BUB1: variants seen among roughly 807,000 people sequenced by gnomAD.
The protein encoded by BUB1 is BUB1 mitotic checkpoint serine/threonine kinase, also known as mitotic checkpoint serine/threonine-protein kinase BUB1.
A neutral mutation model predicts 135.2 loss-of-function variants in BUB1; 84 were observed. The ratio of observed to expected loss-of-function variants is 0.62; its 90% CI spans 0.52 to 0.74. BUB1 has a LOEUF of 0.74. Among genes scored for constraint, BUB1 ranks in the 30% least tolerant of loss-of-function variants. The probability of loss-of-function intolerance (pLI) is 0.00; values close to 1 mark genes in which losing one functional copy is unlikely to be tolerated. For synonymous variants in BUB1, 403 were observed against 434.4 expected, an observed-to-expected ratio of 0.93 and a Z score of 0.90; for missense variants, 1,162 against 1,288.3, an observed-to-expected ratio of 0.90 and a Z score of 1.50.
In BUB1 at chr2:110,673,985, A is replaced by T. The variant is rs75525884; in HGVS notation, c.225+101T>A. On this transcript the variant is annotated intron_variant, in intron 3 of 24. Coordinates refer to ENST00000302759, the MANE Select transcript of BUB1 (RefSeq NM_004336.5). Reference sequence around the variant, plus strand: ...TTCCTCTCTGTATCTTCAGAACTAGAAACAAGGAATTAAAAGCCTAAAATG... The same window carrying T: ...TTCCTCTCTGTATCTTCAGAACTAGTAACAAGGAATTAAAAGCCTAAAATG... 4,502 of 976,246 alleles carry T rather than the reference A, an allele frequency of 4.6e-3. 122 individuals are homozygous for T. In the East Asian group the frequency reaches 0.061, roughly 13 times the overall value. The allele number at this position is 976,246 out of a possible 1,614,324, so 60.5% of individuals were successfully genotyped here. A position where few individuals can be genotyped will look rare whatever the true frequency, so the allele number is the denominator to read the frequency against.
intron 18 of BUB1, among the ~76,000 whole-genome samples, 191 bp downstream of exon 18, chr2:110,650,355 T>C (rs1689751891): frequency 6.6e-6 from 1 of 152,214 alleles, no homozygotes; most frequent in Non-Finnish European, 1.5e-5. Context: ...CCTTCTAAAA[T>C]TAAAATTGAT....
rs1690507113 is a variant in BUB1 at position 110,674,128 on chromosome 2, TTTC to T, written c.180_182del (p.Lys61del). 1.9e-6 allele frequency: 3 copies of T among 1,563,026 alleles called. No individual in the cohort carries two copies. Among genetic ancestry groups the T allele is most frequent in the Non-Finnish European group, 2.6e-6 (3 of 1,134,776 alleles). On this transcript the variant is annotated inframe_deletion, in exon 3 of 25. Transcript: ENST00000302759. ...TGATGAATCTTGGGTCATTGTGGTA[TTTC>T]TTCTTATCTAAAAATTCCTTCATTA... is the stretch of plus-strand genomic sequence containing the variant.
At chr2:110,651,431 A>T (rs913985757) in intron 17 of BUB1, among the ~76,000 whole-genome samples, 28 of 152,344 alleles carry the variant, frequency 1.8e-4, no homozygotes, top group South Asian at 8.3e-4. Flanking sequence ...GATATAAAGA[A>T]AAAATATTTT....
intron 19 of BUB1, among the ~76,000 whole-genome samples, chr2:110,644,478 CAAAA>C (rs57312823): frequency 3.2e-5 from 2 of 63,168 alleles, no homozygotes; most frequent in African/African-American, 4.8e-5. Flanking sequence ...AACCCCGTCT[CAAAA>C]AAAAAAAAAA....
chr2:110,651,000 T>C (rs1392730032), intron 17 of BUB1, among the ~76,000 whole-genome samples: 2 of 152,122 alleles, frequency 1.3e-5, no homozygotes, highest in African/African-American at 4.8e-5. Flanking sequence ...TATGGTTATA[T>C]TAGATAAATA....
At chr2:110,638,404 C>T (rs148025977) in intron 24 of BUB1, among the ~76,000 whole-genome samples, 2 of 152,254 alleles carry the variant, frequency 1.3e-5, no homozygotes, top group Admixed American at 1.3e-4. Flanking sequence ...AGCAATACTG[C>T]AAGTCAAAAA....
chr2:110,659,328 A>G (rs561588964), intron 11 of BUB1, among the ~76,000 whole-genome samples: 5 of 152,122 alleles, frequency 3.3e-5, no homozygotes, highest in African/African-American at 4.8e-5. Flanking sequence ...CTTTACCCAA[A>G]TATCACCTTG....
chr2:110,662,340 T>C (rs1178399872), intron 9 of BUB1, among the ~76,000 whole-genome samples: 1 of 152,184 alleles, frequency 6.6e-6, no homozygotes, highest in Non-Finnish European at 1.5e-5. Flanking sequence ...CAATAATAAC[T>C]GCCACAAAAG....
At chr2:110,647,296 A>T (rs1689668254) in intron 19 of BUB1, among the ~76,000 whole-genome samples, 1 of 152,212 alleles carries the variant, frequency 6.6e-6, no homozygotes, top group African/African-American at 2.4e-5. Flanking sequence ...AAACATCTTC[A>T]GCAAAATATT....
At chr2:110,671,360 T>C (rs193290702) in intron 4 of BUB1, among the ~76,000 whole-genome samples, 4 of 152,336 alleles carry the variant, frequency 2.6e-5, no homozygotes, top group Admixed American at 2.0e-4. Flanking sequence ...TTTGTCAGCA[T>C]TGAGAAACAC....
At chr2:110,650,904 T>G in intron 17 of BUB1, 120 bp from the exon 18 acceptor site, 1 of 912,056 alleles carries the variant, frequency 1.1e-6, no homozygotes, top group Non-Finnish European at 1.7e-6. Flanking sequence ...CCTCACAGAC[T>G]AAAAGTTGAT....
At chr2:110,640,620 T>C (rs1264311372) in intron 23 of BUB1, among the ~76,000 whole-genome samples, 1 of 152,168 alleles carries the variant, frequency 6.6e-6, no homozygotes, top group Non-Finnish European at 1.5e-5. Flanking sequence ...GCATCCCAGG[T>C]ATATCCAACA....
Position 110,661,819 on chromosome 2 carries a change from G to A in BUB1, c.980C>T (p.Pro327Leu), listed in dbSNP as rs753669917. 6.2e-7 allele frequency: 1 copy of A among 1,614,120 alleles called. No homozygotes were observed. Among genetic ancestry groups the A allele is most frequent in the South Asian group, 1.1e-5 (1 of 91,078 alleles). Residue 327 changes from proline (P) to leucine (L), a missense_variant, in exon 10 of 25, where the codon CCA (proline) becomes CTA (leucine). Transcript: ENST00000302759. ...CAGTTCCTGCTGGGAGCCTACACTT[G>A]GCCCCATACGTGCTGGATTAACCTT... The part of the protein sequence containing the change: ...RSEVNPARMG[P>L]SVGSQQELRA...
At chr2:110,646,372 GCGGGACAGGGAGGGA>G (rs1689648551) in intron 19 of BUB1, among the ~76,000 whole-genome samples, 1 of 149,598 alleles carries the variant, frequency 6.7e-6, no homozygotes, top group Admixed American at 6.7e-5. Context: ...GAGGGGAGGG[GCGGGACAGGGAGGGA>G]CGGGAAGGGG....
chr2:110,662,650 A>G (rs568453363), intron 9 of BUB1, among the ~76,000 whole-genome samples: 28 of 152,288 alleles, frequency 1.8e-4, no homozygotes, highest in African/African-American at 6.5e-4. Context: ...AAAATACAAG[A>G]AATTAGCTGG....
At chr2:110,644,259 C>T (rs1357867078) in intron 19 of BUB1, among the ~76,000 whole-genome samples, 5 of 151,460 alleles carry the variant, frequency 3.3e-5, no homozygotes, top group East Asian at 3.9e-4. Flanking sequence ...CCATGATGGG[C>T]GGATCACTTG....
At chr2:110,643,696 G>A (rs1322839958) in intron 19 of BUB1, among the ~76,000 whole-genome samples, 1 of 152,160 alleles carries the variant, frequency 6.6e-6, no homozygotes, top group Non-Finnish European at 1.5e-5. Context: ...CTAGAGTGCA[G>A]TAGCATGAAC....
intron 9 of BUB1, among the ~76,000 whole-genome samples, chr2:110,663,871 C>CA (rs375844472): frequency 3.3e-5 from 5 of 151,060 alleles, no homozygotes; most frequent in Middle Eastern, 3.2e-3. Context: ...ACTAAAAATA[C>CA]AAAAAAAATT....
intron 19 of BUB1, 79 bp downstream of exon 19, chr2:110,649,155 A>ACACG: frequency 7.1e-7 from 1 of 1,406,032 alleles, no homozygotes; most frequent in Non-Finnish European, 9.7e-7. Flanking sequence ...AATCACACAC[A>ACACG]CACACACACA....
Sources: gnomAD v4.1 joint callset for allele counts (sites outside exome capture counted in the v4.1 genomes callset) on GRCh38, gnomAD v4.1.1 for gene constraint, MANE v1.5 for transcripts, NCBI Gene and HGNC (gene_info 2026-07-23, HGNC 2026-07-21) for gene names.